Variants in CTBP2 observed in about 807,000 individuals in gnomAD.
CTBP2 encodes C-terminal binding protein 2.
A neutral mutation model predicts 80.3 loss-of-function variants in CTBP2; 30 were observed. The ratio of observed to expected loss-of-function variants is 0.37; its 90% CI spans 0.28 to 0.51. CTBP2 has a LOEUF of 0.51. CTBP2 is among the 20% of genes least tolerant of loss of function. CTBP2 has a pLI of 0.93. For synonymous variants in CTBP2, 594 were observed against 587.4 expected (o/e 1.01, Z -0.16); for missense variants, 1,212 against 1,375.3 (o/e 0.88, Z 1.88).
At position 125,027,467 on chromosome 10, in the gene CTBP2, A is replaced by C. The variant is rs761600676; in HGVS notation, c.293T>G (p.Val98Gly). 1 of 1,614,100 alleles carries C rather than the reference A, an allele frequency of 6.2e-7. No homozygotes were observed. The highest frequency in any genetic ancestry group is 8.5e-7 in the Non-Finnish European group (1 of 1,180,010). ...CAGCAGGGGGCTGCGACCAGACATC[A>C]CTGCCTGTCTGCTGTCGTAGAAGGT... The change falls in exon 1 of 9, where the codon GTG (valine) becomes GGG (glycine). Residue 98 changes from valine (V) to glycine (G), a missense_variant. Val to Gly is a moderately radical substitution (Grantham distance 109). Transcript: ENST00000309035.
chr10:125,057,233 C>T (rs1032798906), intron 2 of CTBP2, among the ~76,000 whole-genome samples: 12 of 152,196 alleles, frequency 7.9e-5, no homozygotes, highest in African/African-American at 2.4e-4. Context: ...GCCCTAATGA[C>T]ACTTGTAAGA....
At chr10:125,068,304 T>A (rs999637797) in intron 2 of CTBP2, among the ~76,000 whole-genome samples, 1 of 152,126 alleles carries the variant, frequency 6.6e-6, no homozygotes, top group African/African-American at 2.4e-5. Context: ...AATTCAGGAG[T>A]GTGAAACTTC....
At chr10:125,041,628 T>A (rs1959856536) in intron 2 of CTBP2, among the ~76,000 whole-genome samples, 1 of 151,654 alleles carries the variant, frequency 6.6e-6, no homozygotes, top group Non-Finnish European at 1.5e-5. Flanking sequence ...CCTCCTTGAC[T>A]CTGTTGTAAA....
intron 2 of CTBP2, among the ~76,000 whole-genome samples, chr10:125,051,985 G>C (rs537791503): frequency 6.6e-6 from 1 of 152,176 alleles, no homozygotes; most frequent in South Asian, 2.1e-4. Context: ...GCACCCCTGC[G>C]GATGCCTTAT....
At chr10:125,054,948 C>A (rs186021846) in intron 2 of CTBP2, among the ~76,000 whole-genome samples, 4 of 152,296 alleles carry the variant, frequency 2.6e-5, no homozygotes, top group African/African-American at 9.6e-5. Flanking sequence ...TGTTCACTTA[C>A]CCCAGATGCT....
chr10:125,016,764 CTT>C (rs1044979156), intron 1 of CTBP2, among the ~76,000 whole-genome samples: 2 of 152,250 alleles, frequency 1.3e-5, no homozygotes, highest in African/African-American at 4.8e-5. Context: ...CGCCTCCACT[CTT>C]CTTTCTTCTC....
At chr10:125,131,249 G>A (rs1403662450) in intron 1 of CTBP2, among the ~76,000 whole-genome samples, 1 of 152,224 alleles carries the variant, frequency 6.6e-6, no homozygotes, top group Non-Finnish European at 1.5e-5. Context: ...AGAAGCAGAA[G>A]ATCAGGAGCG....
rs534315612 is a variant in CTBP2 at position 125,003,163 on chromosome 10, T to C, written c.1834-59A>G. On this transcript the variant is annotated intron_variant, in intron 2 of 8. Transcript: ENST00000309035. Reference sequence around the variant, plus strand: ...ACCCCGTGCAGCCCACCGGCACCACTTGGCCTGGCCCCCTGGCCCTATCAC... The same window carrying C: ...ACCCCGTGCAGCCCACCGGCACCACCTGGCCTGGCCCCCTGGCCCTATCAC... The C allele has an allele frequency of 2.4e-4, 390 of 1,608,330 alleles. 1 individual carries two copies. The African/African-American group carries it at 4.7e-3, about 19-fold the overall frequency.
intron 4 of CTBP2, chr10:124,997,709 G>T: frequency 1.8e-6 from 1 of 549,678 alleles, no homozygotes. Flanking sequence ...CCACAGCAAA[G>T]AATGCTGTCC....
intron 2 of CTBP2, among the ~76,000 whole-genome samples, chr10:125,069,276 T>C (rs1381924166): frequency 1.3e-5 from 2 of 152,350 alleles, no homozygotes; most frequent in East Asian, 1.9e-4. Flanking sequence ...AGTATTGGAA[T>C]TAGTCCAACT....
intron 1 of CTBP2, among the ~76,000 whole-genome samples, chr10:125,140,299 G>A (rs571939081): frequency 1.3e-5 from 2 of 151,960 alleles, no homozygotes; most frequent in East Asian, 1.9e-4. Flanking sequence ...GCAAATGCAC[G>A]CATACAAGAT....
intron 2 of CTBP2, among the ~76,000 whole-genome samples, chr10:125,098,038 T>TTGAACCCAGGAGGCGGAGATCGCAG (rs1163152062): frequency 6.6e-6 from 1 of 152,104 alleles, no homozygotes; most frequent in East Asian, 1.9e-4. Flanking sequence ...GGAGAACTGC[T>TTGAACCCAGGAGGCGGAGATCGCAG]TGAACCCAGG....
At chr10:125,045,928 CG>C (rs1438071701) in intron 2 of CTBP2, among the ~76,000 whole-genome samples, 2 of 151,828 alleles carry the variant, frequency 1.3e-5, no homozygotes, top group East Asian at 3.9e-4. Flanking sequence ...CACATGCCCT[CG>C]ATCAGTTCCA....
At chr10:125,050,512 AAGGG>A (rs2135185375) in intron 2 of CTBP2, among the ~76,000 whole-genome samples, 1 of 152,342 alleles carries the variant, frequency 6.6e-6, no homozygotes, top group South Asian at 2.1e-4. Flanking sequence ...ACTGCACCCA[AAGGG>A]AGAGCGGGCG....
chr10:125,028,595 C>A (rs1957887009), upstream of CTBP2, among the ~76,000 whole-genome samples: 1 of 152,220 alleles, frequency 6.6e-6, no homozygotes, highest in Non-Finnish European at 1.5e-5. Context: ...GCATTCTTTA[C>A]CTTATTACTG....
At position 125,119,000 on chromosome 10, in the gene CTBP2, T is replaced by G. The variant is rs190402464; in HGVS notation, c.-205-7907A>C. Reference sequence around the variant, plus strand: ...GCTCACTCCAACTGGTGGCCACTACTAACCAGCTGGGGCATCCTGGTGTCA... The same window carrying G: ...GCTCACTCCAACTGGTGGCCACTACGAACCAGCTGGGGCATCCTGGTGTCA... On this transcript the variant is annotated intron_variant, in intron 1 of 10. Transcript: ENST00000337195. Among the ~76,000 whole-genome samples the G allele has an allele frequency of 2.6e-3, 389 of 152,348 alleles. 3 individuals carry two copies. The highest frequency in any genetic ancestry group is 8.7e-3 in the African/African-American group (362 of 41,574).
intron 3 of CTBP2, 69 bp from the exon 6 acceptor site, chr10:124,998,239 C>G: frequency 6.6e-7 from 1 of 1,518,686 alleles, no homozygotes; most frequent in African/African-American, 1.4e-5. Flanking sequence ...CCAGGGCTCC[C>G]AGCCCGCCCT....
At chr10:125,036,071 G>A (rs1472600469) in intron 3 of CTBP2, among the ~76,000 whole-genome samples, 2 of 152,228 alleles carry the variant, frequency 1.3e-5, no homozygotes, top group Admixed American at 1.3e-4. Flanking sequence ...TTTGGCTGGA[G>A]TCCCAAAGAC....
At chr10:125,138,131 T>C (rs901426562) in intron 1 of CTBP2, 1 of 152,110 alleles carries the variant, frequency 6.6e-6, no homozygotes, top group Non-Finnish European at 1.5e-5. Flanking sequence ...GGAAACAAAG[T>C]CCAGGGCAGG....
Sources: allele counts gnomAD v4.1 joint callset (sites outside exome capture counted in the v4.1 genomes callset), GRCh38; gene constraint gnomAD v4.1.1; transcripts MANE v1.5; gene names NCBI Gene and HGNC (gene_info 2026-07-23, HGNC 2026-07-21).